The following SEC63 variants were observed in gnomAD, a reference collection of about 807,000 sequenced individuals.
SEC63 encodes SEC63 protein translocation regulator, also known as translocation protein SEC63 homolog.
In SEC63, 56 loss-of-function variants were observed where a neutral mutation model predicts 116.2. The ratio of observed to expected loss-of-function variants is 0.48; its 90% CI spans 0.39 to 0.60. The LOEUF is 0.60. Among genes scored for constraint, SEC63 ranks in the 20% least tolerant of loss-of-function variants. The pLI, the probability that SEC63 is intolerant of heterozygous loss-of-function variation, is 0.00. For synonymous variants in SEC63, 273 were observed against 294.6 expected (o/e 0.93, Z 0.75); for missense variants, 668 against 900.0 (o/e 0.74, Z 3.30).
intron 19 of SEC63, among the ~76,000 whole-genome samples, chr6:107,874,897 A>T (rs1477280596): frequency 6.6e-6 from 1 of 152,174 alleles, no homozygotes; most frequent in Non-Finnish European, 1.5e-5. Context: ...CAAAAACTGT[A>T]ACAGACATTA....
intron 4 of SEC63, among the ~76,000 whole-genome samples, chr6:107,918,135 T>C (rs1486072002): frequency 1.3e-5 from 2 of 152,080 alleles, no homozygotes; most frequent in African/African-American, 2.4e-5. Context: ...TTAAGATCTA[T>C]GCTAAATCTA....
At chr6:107,941,555 G>T (rs553272723) in intron 1 of SEC63, among the ~76,000 whole-genome samples, 166 of 151,880 alleles carry the variant, frequency 1.1e-3, no homozygotes, top group Admixed American at 1.7e-3. Flanking sequence ...TACAGTGGAA[G>T]AAAAAAATCC....
At chr6:107,937,745 G>C (rs1286847179) in intron 1 of SEC63, among the ~76,000 whole-genome samples, 1 of 152,054 alleles carries the variant, frequency 6.6e-6, no homozygotes, top group Non-Finnish European at 1.5e-5. Context: ...TGACTGGTAT[G>C]AGATGATCTC....
intron 20 of SEC63, among the ~76,000 whole-genome samples, chr6:107,872,491 G>T (rs1646589806): frequency 6.7e-6 from 1 of 149,664 alleles, no homozygotes; most frequent in Non-Finnish European, 1.5e-5. Context: ...ACTCCAAATA[G>T]AATCTGTGGT....
chr6:107,925,300 A>T (rs1280652794), intron 2 of SEC63, among the ~76,000 whole-genome samples: 1 of 152,102 alleles, frequency 6.6e-6, no homozygotes, highest in African/African-American at 2.4e-5. Context: ...CAGCAATTAC[A>T]CTTTTATTAA....
At chr6:107,947,496 C>G (rs1030056544) in intron 1 of SEC63, among the ~76,000 whole-genome samples, 4 of 151,904 alleles carry the variant, frequency 2.6e-5, no homozygotes, top group African/African-American at 9.7e-5. Flanking sequence ...TGGCTCAGCC[C>G]AGGAGATTGA....
chr6:107,874,321 A>T (rs113536944), intron 19 of SEC63, among the ~76,000 whole-genome samples: 2 of 152,160 alleles, frequency 1.3e-5, no homozygotes, highest in Non-Finnish European at 2.9e-5. Context: ...GAAGCCGGGC[A>T]CGGTGGCTCA....
chr6:107,932,116 C>CTG (rs1432881330), intron 1 of SEC63: 1 of 179,742 alleles, frequency 5.6e-6, no homozygotes, highest in East Asian at 1.6e-4. Context: ...ATCAAACAGG[C>CTG]TGTGAAGAAG....
At chr6:107,901,126 G>T (rs1786990389) in intron 13 of SEC63, among the ~76,000 whole-genome samples, 1 of 152,166 alleles carries the variant, frequency 6.6e-6, no homozygotes, top group South Asian at 2.1e-4. Context: ...TTGAACTACA[G>T]AACAGAGTGT....
At chr6:107,875,819 T>C (rs1216470318) in intron 19 of SEC63, among the ~76,000 whole-genome samples, 4 of 152,290 alleles carry the variant, frequency 2.6e-5, no homozygotes, top group Non-Finnish European at 4.4e-5. Context: ...TATTTAGACA[T>C]TCATTCTTTC....
At chr6:107,914,984 T>C (rs375399655) in intron 4 of SEC63, among the ~76,000 whole-genome samples, 17 of 152,330 alleles carry the variant, frequency 1.1e-4, no homozygotes, top group African/African-American at 3.6e-4. Context: ...TGCTGTGTGA[T>C]GGGAACCATG....
Position 107,907,630 on chromosome 6 carries a change from G to A in SEC63, c.734-853C>T, listed in dbSNP as rs957790431. ...TACTCACAAAAGGCAGGATAGTATAGAAGTTAAGTGCACAGACCTTGGTAT... is the reference window on the plus strand; with the variant it reads ...TACTCACAAAAGGCAGGATAGTATAAAAGTTAAGTGCACAGACCTTGGTAT... On this transcript the variant is annotated intron_variant, in intron 8 of 20. Transcript: ENST00000369002. 3.9e-5 allele frequency among the ~76,000 whole-genome samples: 6 copies of A among 152,132 alleles called. No individual in the cohort carries two copies. In the East Asian group the frequency reaches 1.2e-3, roughly 29 times the overall value.
At chr6:107,923,286 AG>A (rs1787599129) in intron 3 of SEC63, among the ~76,000 whole-genome samples, 1 of 151,954 alleles carries the variant, frequency 6.6e-6, no homozygotes, top group Non-Finnish European at 1.5e-5. Context: ...TAATTGTGTT[AG>A]TTTTTTGTAC....
chr6:107,892,333 G>A (rs1786702467), intron 16 of SEC63, among the ~76,000 whole-genome samples: 1 of 152,132 alleles, frequency 6.6e-6, no homozygotes, highest in African/African-American at 2.4e-5. Context: ...ATTTACTGAG[G>A]AAAGAATGAC....
At chr6:107,945,733 A>G (rs1770469308) in intron 1 of SEC63, among the ~76,000 whole-genome samples, 1 of 152,154 alleles carries the variant, frequency 6.6e-6, no homozygotes, top group African/African-American at 2.4e-5. Flanking sequence ...AAGGAAGTCT[A>G]AGCAATTTAT....
chr6:107,929,387 G>A (rs904390329), intron 2 of SEC63, 28 bp downstream of exon 2: 2 of 1,179,850 alleles, frequency 1.7e-6, no homozygotes, highest in Non-Finnish European at 2.5e-6. Flanking sequence ...GCATTAAGTA[G>A]GTTTTTTTCT....
intron 6 of SEC63, among the ~76,000 whole-genome samples, chr6:107,912,413 T>A (rs1787302567): frequency 6.6e-6 from 1 of 152,130 alleles, no homozygotes; most frequent in Non-Finnish European, 1.5e-5. Context: ...CAAAACCCCA[T>A]CTCTACTAAA....
At chr6:107,932,999 A>G (rs991071464) in intron 1 of SEC63, among the ~76,000 whole-genome samples, 5 of 152,164 alleles carry the variant, frequency 3.3e-5, no homozygotes, top group Non-Finnish European at 5.9e-5. Context: ...GACTTTACAG[A>G]TATGACTAAG....
At chr6:107,905,864 CTT>C (rs2114448804) in intron 10 of SEC63, among the ~76,000 whole-genome samples, 1 of 135,000 alleles carries the variant, frequency 7.4e-6, no homozygotes, top group South Asian at 2.5e-4. Context: ...GTCTGACTTA[CTT>C]AGATCTTCAA....
Sources: allele counts gnomAD v4.1 joint callset (sites outside exome capture counted in the v4.1 genomes callset), GRCh38; gene constraint gnomAD v4.1.1; transcripts MANE v1.5; gene names NCBI Gene and HGNC (gene_info 2026-07-23, HGNC 2026-07-21).